Variants in HTR4 observed in about 807,000 individuals in gnomAD.
HTR4 encodes 5-hydroxytryptamine (serotonin) receptor 4, G protein-coupled.
HTR4 carries 16 observed loss-of-function variants against 36.8 expected under a neutral mutation model. That is an observed-to-expected ratio of 0.43 (90% CI 0.29 to 0.66). The LOEUF is 0.66. Among genes scored for constraint, HTR4 ranks in the 30% least tolerant of loss-of-function variants. The probability of loss-of-function intolerance (pLI) is 0.13; values close to 1 mark genes in which losing one functional copy is unlikely to be tolerated. For synonymous variants in HTR4, 189 were observed against 185.1 expected, an observed-to-expected ratio of 1.02 and a Z score of -0.17; for missense variants, 438 against 490.9, an observed-to-expected ratio of 0.89 and a Z score of 1.02.
At chr5:148,641,237 A>G (rs1753718839) in intron 1 of HTR4, among the ~76,000 whole-genome samples, 3 of 152,188 alleles carry the variant, frequency 2.0e-5, no homozygotes, top group Admixed American at 1.3e-4. Context: ...AACTCAGAGC[A>G]TCTCCTATGC....
At chr5:148,640,116 G>A (rs992623043) in intron 1 of HTR4, among the ~76,000 whole-genome samples, 13 of 152,034 alleles carry the variant, frequency 8.6e-5, no homozygotes, top group Admixed American at 7.2e-4. Context: ...TAGAATTCAC[G>A]GCTATGAATT....
intron 2 of HTR4, among the ~76,000 whole-genome samples, chr5:148,583,783 C>G (rs1190030404): frequency 6.6e-6 from 1 of 152,074 alleles, no homozygotes; most frequent in Non-Finnish European, 1.5e-5. Context: ...TTCCGGGGAG[C>G]TCCTGTTCCC....
At chr5:148,564,049 T>C (rs1238978157) in intron 2 of HTR4, among the ~76,000 whole-genome samples, 2 of 152,220 alleles carry the variant, frequency 1.3e-5, no homozygotes, top group African/African-American at 4.8e-5. Context: ...AGAAATTAGC[T>C]AATTTCTCCC....
chr5:148,477,644 A>G (rs1755741634), downstream of HTR4, among the ~76,000 whole-genome samples: 1 of 152,242 alleles, frequency 6.6e-6, no homozygotes, highest in Non-Finnish European at 1.5e-5. Context: ...ACAGGGTTAA[A>G]TGAGGTGTCT....
intron 6 of HTR4, among the ~76,000 whole-genome samples, chr5:148,508,639 C>T (rs2113769345): frequency 6.6e-6 from 1 of 152,240 alleles, no homozygotes; most frequent in East Asian, 1.9e-4. Flanking sequence ...CTTCTTAAGC[C>T]AAATCAGCTT....
rs189593746 is a variant in HTR4 at position 148,482,006 on chromosome 5, A to G, written c.*1197T>C. ...TGTCTTAGAAACAGAAAGAAAACTT[A>G]AAGGTCCTCTAGTCCAAGCTTGAGT... On this transcript the variant is annotated 3_prime_UTR_variant, in exon 7 of 7. Coordinates refer to ENST00000377888, the MANE Select transcript of HTR4 (RefSeq NM_000870.7). 109 of 1,001,384 alleles carry G rather than the reference A, an allele frequency of 1.1e-4. 1 individual carries two copies. In the South Asian group the frequency reaches 1.4e-3, roughly 12 times the overall value. 62.0% of individuals were successfully genotyped at this position (1,001,384 alleles called of 1,614,324 possible).
intron 2 of HTR4, among the ~76,000 whole-genome samples, chr5:148,605,232 T>A (rs1053462841): frequency 6.7e-6 from 1 of 150,020 alleles, no homozygotes. Context: ...TTACCACAGA[T>A]TGCATTTTCT....
chr5:148,472,770 G>A (rs1344457187), downstream of HTR4, among the ~76,000 whole-genome samples: 1 of 152,186 alleles, frequency 6.6e-6, no homozygotes, highest in Non-Finnish European at 1.5e-5. Flanking sequence ...GAAATAGGAA[G>A]TGGGAGTTGG....
rs183705494 is a variant in HTR4, at chr5:148,530,672, A to G, written c.354-7326T>C. Among the ~76,000 whole-genome samples, 16 of 152,328 alleles carry G rather than the reference A, an allele frequency of 1.1e-4. No individual in the cohort carries two copies. The East Asian group carries it at 2.7e-3, about 26-fold the overall frequency. ...AGTCCCTACTGGGGCACCAACTAGTAGAGCTGCGAGAAGAGGGCCAGCATC... is the reference window on the plus strand; with the variant it reads ...AGTCCCTACTGGGGCACCAACTAGTGGAGCTGCGAGAAGAGGGCCAGCATC... On this transcript the variant is annotated intron_variant, in intron 4 of 6. Coordinates refer to ENST00000377888, the MANE Select transcript of HTR4 (RefSeq NM_000870.7).
chr5:148,474,235 G>C (rs1210584562), downstream of HTR4, among the ~76,000 whole-genome samples: 6 of 151,988 alleles, frequency 3.9e-5, no homozygotes, highest in African/African-American at 1.5e-4. Flanking sequence ...CTTTCACAAA[G>C]CCTTAGTAGC....
intron 4 of HTR4, among the ~76,000 whole-genome samples, chr5:148,542,036 A>G (rs1453358991): frequency 6.6e-6 from 1 of 152,088 alleles, no homozygotes; most frequent in Non-Finnish European, 1.5e-5. Flanking sequence ...CTGTATTCCC[A>G]ACTAGACAAA....
chr5:148,566,742 G>T (rs1760457246), intron 2 of HTR4, among the ~76,000 whole-genome samples: 1 of 151,962 alleles, frequency 6.6e-6, no homozygotes, highest in African/African-American at 2.4e-5. Context: ...ACATATATAT[G>T]TACAGGTAAA....
intron 2 of HTR4, among the ~76,000 whole-genome samples, chr5:148,570,644 C>T (rs756943963): frequency 7.2e-5 from 11 of 151,992 alleles, no homozygotes; most frequent in Non-Finnish European, 1.0e-4. Context: ...ATGTCAGATG[C>T]GGCCAGCAAG....
intron 2 of HTR4, among the ~76,000 whole-genome samples, chr5:148,564,623 G>A (rs1581482847): frequency 6.6e-6 from 1 of 152,256 alleles, no homozygotes; most frequent in South Asian, 2.1e-4. Flanking sequence ...CACTCCCCCA[G>A]ACAAGTGCAT....
At position 148,654,186 on chromosome 5, in the gene HTR4, C is replaced by T; in HGVS notation, c.-172G>A. On this transcript the variant is annotated 5_prime_UTR_variant, in exon 1 of 7. Coordinates refer to ENST00000377888, the MANE Select transcript of HTR4 (RefSeq NM_000870.7). ...CCAGCCGCTGCCTGCGCCCTCCCTGCCGCCCCCTCGGGTGCGGGCTCCAGC... is the reference window on the plus strand; with the variant it reads ...CCAGCCGCTGCCTGCGCCCTCCCTGTCGCCCCCTCGGGTGCGGGCTCCAGC... The T allele has an allele frequency of 1.0e-6, 1 of 985,256 alleles. No individual in the cohort carries two copies. The highest frequency in any genetic ancestry group is 4.7e-5 in the South Asian group (1 of 21,370). The allele number at this position is 985,256 out of a possible 1,614,324, so 61.0% of individuals were successfully genotyped here.
intron 2 of HTR4, among the ~76,000 whole-genome samples, chr5:148,632,136 A>C (rs1753344093): frequency 6.6e-6 from 1 of 152,110 alleles, no homozygotes; most frequent in African/African-American, 2.4e-5. Context: ...AAAATGATCA[A>C]TACATTATTT....
At chr5:148,648,922 T>C (rs1436300644) in intron 1 of HTR4, among the ~76,000 whole-genome samples, 1 of 152,184 alleles carries the variant, frequency 6.6e-6, no homozygotes, top group Non-Finnish European at 1.5e-5. Context: ...CCAAGTTCCT[T>C]AACTCCACTA....
chr5:148,615,708 GAAAT>G (rs1249504677), intron 2 of HTR4, among the ~76,000 whole-genome samples: 13 of 145,528 alleles, frequency 8.9e-5, no homozygotes, highest in African/African-American at 3.3e-4. Context: ...AAGAAAGAAA[GAAAT>G]AAAATAAAAT....
chr5:148,458,242 G>A (rs1185706225), intron 5 of HTR4, among the ~76,000 whole-genome samples: 2 of 150,856 alleles, frequency 1.3e-5, no homozygotes, highest in South Asian at 4.2e-4. Context: ...CCCTAAGGCA[G>A]TTTCACAAAA....
Sources: gnomAD v4.1 joint callset for allele counts (sites outside exome capture counted in the v4.1 genomes callset) on GRCh38, gnomAD v4.1.1 for gene constraint, MANE v1.5 for transcripts, NCBI Gene and HGNC (gene_info 2026-07-23, HGNC 2026-07-21) for gene names.